Variants in E2F7 observed in about 807,000 individuals in gnomAD.
E2F7 encodes E2F transcription factor 7.
In E2F7, 35 loss-of-function variants were observed where a neutral mutation model predicts 81.1. That is an observed-to-expected ratio of 0.43 (90% CI 0.33 to 0.57). The LOEUF (loss-of-function observed/expected upper bound fraction) is 0.57. Ranked by LOEUF, E2F7 falls within the 20% of genes least tolerant of loss-of-function variation. The pLI is 0.04. For synonymous variants in E2F7, 416 were observed against 416.2 expected, an observed-to-expected ratio of 1.00 and a Z score of 0.01; for missense variants, 961 against 1,093.7, an observed-to-expected ratio of 0.88 and a Z score of 1.71.
At chr12:77,044,115 C>G (rs1270336849) in intron 6 of E2F7, 1 of 219,400 alleles carries the variant, frequency 4.6e-6, no homozygotes, top group Non-Finnish European at 9.8e-6. Flanking sequence ...TACAGGCTAC[C>G]AGCAGCCCAG....
intron 11 of E2F7, among the ~76,000 whole-genome samples, chr12:77,027,566 A>G (rs999566631): frequency 6.6e-6 from 1 of 152,194 alleles, no homozygotes; most frequent in African/African-American, 2.4e-5. Context: ...GCTGCATGCA[A>G]TGGCCAACAG....
intron 6 of E2F7, chr12:77,044,223 C>G (rs1954919689): frequency 2.2e-6 from 1 of 454,398 alleles, no homozygotes; most frequent in South Asian, 1.6e-5. Flanking sequence ...CACCCTTACC[C>G]TGGCCATTCT....
chr12:77,030,501 G>A (rs1278112894), intron 9 of E2F7, among the ~76,000 whole-genome samples, 169 bp from the exon 10 acceptor site: 3 of 152,134 alleles, frequency 2.0e-5, no homozygotes, highest in South Asian at 2.1e-4. Flanking sequence ...AGACGCCCAG[G>A]TATGGCCTGG....
intron 8 of E2F7, 57 bp from the exon 9 acceptor site, chr12:77,033,179 A>G: frequency 2.8e-6 from 4 of 1,405,280 alleles, no homozygotes; most frequent in South Asian, 1.2e-5. Context: ...CATACCAACT[A>G]TATACTGAGA....
chr12:77,064,442 T>C, intron 2 of E2F7, 101 bp downstream of exon 2: 1 of 924,992 alleles, frequency 1.1e-6, no homozygotes, highest in Non-Finnish European at 1.7e-6. Context: ...TATTAATTAT[T>C]ATGCTTAAAT....
In E2F7 at chr12:77,033,136, T is replaced by C. The variant is rs1349058856; in HGVS notation, c.1310-14A>G. Reference sequence around the variant, plus strand: ...AGCCACCTGATCCTGAAAAGGAAGATGAAGGCTTAACAAATATAGCAAGAG... The same window carrying C: ...AGCCACCTGATCCTGAAAAGGAAGACGAAGGCTTAACAAATATAGCAAGAG... On this transcript the variant is annotated splice_polypyrimidine_tract_variant and intron_variant, in intron 8 of 12. Coordinates refer to ENST00000322886, the MANE Select transcript of E2F7 (RefSeq NM_203394.3). 3 of 1,612,962 alleles carry C rather than the reference T, an allele frequency of 1.9e-6. No individual in the cohort carries two copies. Among genetic ancestry groups the C allele is most frequent in the South Asian group, 2.2e-5 (2 of 90,968 alleles).
At chr12:77,053,635 T>G (rs1955007637) in intron 3 of E2F7, among the ~76,000 whole-genome samples, 1 of 152,296 alleles carries the variant, frequency 6.6e-6, no homozygotes, top group South Asian at 2.1e-4. Flanking sequence ...ACGAATATCA[T>G]AGCATAGTCT....
Position 77,024,199 on chromosome 12 carries a change from AAAG to A in E2F7, c.2566-17_2566-15del, listed in dbSNP as rs1477378401. On this transcript the variant is annotated splice_polypyrimidine_tract_variant and intron_variant, in intron 12 of 12. Coordinates refer to ENST00000322886, the MANE Select transcript of E2F7 (RefSeq NM_203394.3). ...TGGAACTGGTGACTGAAAAAAGAAA[AAAG>A]AAAAAACAGAAGTGAAGTCATATTG... 1.2e-6 allele frequency: 2 copies of A among 1,610,432 alleles called. No homozygotes were observed. Among genetic ancestry groups the A allele is most frequent in the Admixed American group, 1.7e-5 (1 of 58,884 alleles).
At chr12:77,063,692 A>G (rs1955096049) in intron 2 of E2F7, among the ~76,000 whole-genome samples, 1 of 152,202 alleles carries the variant, frequency 6.6e-6, no homozygotes, top group Non-Finnish European at 1.5e-5. Context: ...ACAATTTCGC[A>G]TCTATCCTAA....
At chr12:77,045,824 G>T in intron 5 of E2F7, 1 of 565,822 alleles carries the variant, frequency 1.8e-6, no homozygotes, top group East Asian at 2.9e-5. Flanking sequence ...GGCCAAACTC[G>T]AGTGAACTGC....
Position 77,043,136 on chromosome 12 carries a change from A to C in E2F7, c.1052T>G (p.Val351Gly). The C allele has an allele frequency of 4.3e-6, 7 of 1,614,104 alleles. No homozygotes were observed. Among genetic ancestry groups the C allele is most frequent in the Non-Finnish European group, 5.9e-6 (7 of 1,180,016 alleles). ...ACGACCTCGCTCTTCTGTTACATGC[A>C]CTTTCTTTATCAGAGCCAAGCTGGT... ...VLTSLALIKK[V>G]HVTEERGRKP... Residue 351 changes from valine to glycine, a missense_variant, in exon 7 of 13, where the codon GTG (valine) becomes GGG (glycine). By Grantham distance (109) the Val-to-Gly change is moderately radical. Transcript: ENST00000322886.
At chr12:77,052,343 A>T (rs936290574) in intron 3 of E2F7, among the ~76,000 whole-genome samples, 1 of 152,158 alleles carries the variant, frequency 6.6e-6, no homozygotes, top group African/African-American at 2.4e-5. Context: ...TGCTTATTAC[A>T]ATAGGGTATT....
At chr12:77,051,055 T>A (rs898537817) in intron 3 of E2F7, among the ~76,000 whole-genome samples, 1 of 152,188 alleles carries the variant, frequency 6.6e-6, no homozygotes, top group South Asian at 2.1e-4. Context: ...GGAATCAGCA[T>A]CACCAAGAGC....
Position 77,027,735 on chromosome 12 carries a change from T to C in E2F7, c.2140+148A>G. 5 of 1,072,898 alleles carry C rather than the reference T, an allele frequency of 4.7e-6. No individual in the cohort carries two copies. In the East Asian group the frequency reaches 1.3e-4, roughly 28 times the overall value. The allele number at this position is 1,072,898 out of a possible 1,614,324, so 66.5% of individuals were successfully genotyped here. On this transcript the variant is annotated intron_variant, in intron 11 of 12. Coordinates refer to ENST00000322886, the MANE Select transcript of E2F7 (RefSeq NM_203394.3). ...TAGAAGCAGCTTCTCCCTTCATTTA[T>C]AGATGGAGAAAACAAAGGGGCTAAG...
intron 5 of E2F7, among the ~76,000 whole-genome samples, chr12:77,045,294 A>C (rs1288577410): frequency 6.6e-6 from 1 of 152,202 alleles, no homozygotes; most frequent in Non-Finnish European, 1.5e-5. Context: ...TAAATGAACT[A>C]TATATAAACA....
intron 7 of E2F7, among the ~76,000 whole-genome samples, chr12:77,036,102 G>A (rs1954847911): frequency 6.6e-6 from 1 of 152,030 alleles, no homozygotes. Context: ...GAGGGGACAG[G>A]AAAAATACTT....
chr12:77,057,492 G>A (rs1955042882), intron 2 of E2F7, among the ~76,000 whole-genome samples: 1 of 152,152 alleles, frequency 6.6e-6, no homozygotes, highest in African/African-American at 2.4e-5. Context: ...TTACAGGCAT[G>A]AGCCACCACA....
rs1439302408 is a variant in E2F7, at chr12:77,029,884, T to C, written c.1831A>G (p.Lys611Glu). 1 of 1,614,258 alleles carries C rather than the reference T, an allele frequency of 6.2e-7. No homozygotes were observed. Among genetic ancestry groups the C allele is most frequent in the African/African-American group, 1.3e-5 (1 of 75,068 alleles). Residue 611 changes from lysine to glutamate, a missense_variant, in exon 10 of 13, where the codon AAA (lysine) becomes GAA (glutamate). Physicochemically the swap from Lys to Glu is moderately conservative, Grantham distance 56. Around this residue, in one of 3 missense-constraint regions of E2F7, gnomAD observed 587 missense variants for 620.3 expected, o/e 0.95. Coordinates refer to ENST00000322886, the MANE Select transcript of E2F7 (RefSeq NM_203394.3). ...TCTTCATATTCCCTACTTTGCCTTT[T>C]AGTGGCTGGCTCATCCTCCTCCTGA... ...KPQEEDEPAT[K>E]RQSREYEDGP...
At chr12:77,026,600 C>A (rs1954761941) in intron 11 of E2F7, among the ~76,000 whole-genome samples, 1 of 152,148 alleles carries the variant, frequency 6.6e-6, no homozygotes, top group South Asian at 2.1e-4. Flanking sequence ...CTGTGCCTGG[C>A]CAAAATATCT....
Sources: gnomAD v4.1 joint callset for allele counts (sites outside exome capture counted in the v4.1 genomes callset) on GRCh38, gnomAD v4.1.1 for gene constraint, gnomAD v4.1.1 regional missense constraint, MANE v1.5 for transcripts, NCBI Gene and HGNC (gene_info 2026-07-23, HGNC 2026-07-21) for gene names.